RBFOX1: variants seen among roughly 807,000 people sequenced by gnomAD.
RBFOX1 encodes the protein RNA binding fox-1 homolog 1.
Under a neutral mutation model 57.7 loss-of-function variants are expected in RBFOX1, and 8 were observed. That is an observed-to-expected ratio of 0.14 (90% CI 0.08 to 0.25). The LOEUF is 0.25. RBFOX1 is among the 10% of genes least tolerant of loss of function. The probability of loss-of-function intolerance (pLI) is 1.00; values close to 1 mark genes in which losing one functional copy is unlikely to be tolerated. For synonymous variants in RBFOX1, 326 were observed against 222.4 expected (o/e 1.47, Z -4.15); for missense variants, 611 against 548.5 (o/e 1.11, Z -1.14).
intron 4 of RBFOX1, among the ~76,000 whole-genome samples, chr16:7,433,021 A>C (rs543305919): frequency 1.3e-5 from 2 of 152,310 alleles, no homozygotes; most frequent in East Asian, 1.9e-4. Context: ...TGTAGCCCCC[A>C]GCAAATGCCA....
At chr16:6,437,162 C>T (rs563879012) in intron 2 of RBFOX1, among the ~76,000 whole-genome samples, 2 of 152,168 alleles carry the variant, frequency 1.3e-5, no homozygotes, top group Non-Finnish European at 2.9e-5. Flanking sequence ...GATCTATCAC[C>T]CACAGCATGT....
chr16:6,056,664 T>C (rs1024873585), intron 1 of RBFOX1, among the ~76,000 whole-genome samples: 1 of 152,178 alleles, frequency 6.6e-6, no homozygotes, highest in African/African-American at 2.4e-5. Context: ...TCAATGAAGA[T>C]ACTCCTTTAG....
chr16:6,476,452 G>A (rs960462097), intron 2 of RBFOX1, among the ~76,000 whole-genome samples: 11 of 152,110 alleles, frequency 7.2e-5, no homozygotes, highest in African/African-American at 2.4e-4. Flanking sequence ...GTTTCCCAGC[G>A]CATATAAAAG....
intron 3 of RBFOX1, among the ~76,000 whole-genome samples, chr16:5,865,564 C>G (rs961688096): frequency 6.6e-6 from 1 of 152,204 alleles, no homozygotes; most frequent in Admixed American, 6.5e-5. Flanking sequence ...AGCTCCTCAT[C>G]TGATGCCTTG....
intron 3 of RBFOX1, among the ~76,000 whole-genome samples, chr16:7,002,464 C>G (rs1353347339): frequency 6.6e-6 from 1 of 152,140 alleles, no homozygotes; most frequent in Admixed American, 6.5e-5. Context: ...TCTGTAATTC[C>G]AGCACTTGGG....
intron 4 of RBFOX1, among the ~76,000 whole-genome samples, chr16:7,367,511 C>G (rs1045042703): frequency 6.6e-6 from 1 of 152,172 alleles, no homozygotes; most frequent in Non-Finnish European, 1.5e-5. Flanking sequence ...GACCCTCTGC[C>G]TATATCATCG....
chr16:5,343,523 G>A lies in RBFOX1; in HGVS notation c.219+103418G>A, dbSNP rs1018179349. Among the ~76,000 whole-genome samples the A allele has an allele frequency of 4.6e-5, 7 of 151,070 alleles. No homozygotes were observed. In the East Asian group the frequency reaches 5.9e-4, roughly 13 times the overall value. ...TTTTTAGTAGAGAGGGGGTTTCACC[G>A]TGTTACCCAGGATGGTCTTGATATC... is the stretch of plus-strand genomic sequence containing the variant. On this transcript the variant is annotated intron_variant, in intron 1 of 2. Transcript: ENST00000585867.
chr16:7,007,522 G>C (rs955760720), intron 3 of RBFOX1, among the ~76,000 whole-genome samples: 1 of 152,140 alleles, frequency 6.6e-6, no homozygotes, highest in Non-Finnish European at 1.5e-5. Flanking sequence ...CTGGGGATTA[G>C]GACATGGGTA....
intron 3 of RBFOX1, among the ~76,000 whole-genome samples, chr16:6,996,089 A>G (rs1035205665): frequency 1.3e-5 from 2 of 152,186 alleles, no homozygotes; most frequent in Non-Finnish European, 2.9e-5. Context: ...CAGTGATCCA[A>G]GTATATTCCA....
At chr16:5,949,020 G>C (rs962089085) in intron 4 of RBFOX1, among the ~76,000 whole-genome samples, 11 of 152,024 alleles carry the variant, frequency 7.2e-5, no homozygotes, top group African/African-American at 2.7e-4. Context: ...GTGTGTCTAC[G>C]TGCGTCATAT....
chr16:6,443,717 T>C (rs2094432019), intron 2 of RBFOX1, among the ~76,000 whole-genome samples: 1 of 152,204 alleles, frequency 6.6e-6, no homozygotes, highest in Non-Finnish European at 1.5e-5. Context: ...TAAGTCATTC[T>C]TTAATTTGTT....
chr16:5,718,941 C>T (rs7198034), intron 3 of RBFOX1, among the ~76,000 whole-genome samples: 1 of 150,564 alleles, frequency 6.6e-6, no homozygotes, highest in Non-Finnish European at 1.5e-5. Context: ...AATGAATGAA[C>T]TTTCTGGCCT....
At chr16:7,546,944 T>C (rs1318854208) in intron 5 of RBFOX1, among the ~76,000 whole-genome samples, 1 of 152,174 alleles carries the variant, frequency 6.6e-6, no homozygotes. Context: ...AAAATGCACA[T>C]TTTTTAAGGC....
chr16:6,469,795 G>T (rs2095133523), intron 2 of RBFOX1, among the ~76,000 whole-genome samples: 1 of 152,176 alleles, frequency 6.6e-6, no homozygotes, highest in Admixed American at 6.5e-5. Flanking sequence ...GTATCCAAGA[G>T]TACCATCTTA....
Position 6,445,557 on chromosome 16 carries a change from A to T in RBFOX1, c.-64+128500A>T, listed in dbSNP as rs953127379. Among the ~76,000 whole-genome samples, 302 of 127,220 alleles carry T rather than the reference A, an allele frequency of 2.4e-3. 1 individual carries two copies. The highest frequency in any genetic ancestry group is 1.3e-3 in the Non-Finnish European group (81 of 62,480). The allele number at this position is 127,220 out of a possible 152,430, so 83.5% of individuals were successfully genotyped here. On this transcript the variant is annotated intron_variant, in intron 2 of 15. Coordinates refer to ENST00000550418, the MANE Select transcript of RBFOX1 (RefSeq NM_018723.4). Reference sequence around the variant, plus strand: ...GGAAGCTTATTAACCTTGCCTCTGAACTCCTTTTTTTTTTTTTTTTTTTTT... The same window carrying T: ...GGAAGCTTATTAACCTTGCCTCTGATCTCCTTTTTTTTTTTTTTTTTTTTT...
chr16:7,028,872 G>A (rs996751777), intron 3 of RBFOX1, among the ~76,000 whole-genome samples: 1 of 150,524 alleles, frequency 6.6e-6, no homozygotes, highest in African/African-American at 2.4e-5. Context: ...GATCTGAGTG[G>A]GAATCCAAGC....
intron 4 of RBFOX1, among the ~76,000 whole-genome samples, chr16:5,954,170 T>C (rs1478149233): frequency 6.6e-6 from 1 of 152,148 alleles, no homozygotes; most frequent in Non-Finnish European, 1.5e-5. Flanking sequence ...GCCTCAGTGT[T>C]TGTGGAACAT....
intron 1 of RBFOX1, among the ~76,000 whole-genome samples, chr16:6,214,170 C>T (rs542621311): frequency 6.6e-6 from 1 of 152,344 alleles, no homozygotes; most frequent in East Asian, 1.9e-4. Context: ...GTGTACCTCT[C>T]TCCTTCTCTC....
intron 1 of RBFOX1, among the ~76,000 whole-genome samples, chr16:5,367,315 C>A (rs1308364714): frequency 1.3e-5 from 2 of 152,202 alleles, no homozygotes; most frequent in Admixed American, 6.5e-5. Context: ...TCTGCAACTC[C>A]TGACCTGCCC....
Sources: gnomAD v4.1 joint callset for allele counts (sites outside exome capture counted in the v4.1 genomes callset) on GRCh38, gnomAD v4.1.1 for gene constraint, MANE v1.5 for transcripts, NCBI Gene and HGNC (gene_info 2026-07-23, HGNC 2026-07-21) for gene names.